PCDHGA11: variants seen among roughly 807,000 people sequenced by gnomAD.
PCDHGA11 encodes protocadherin gamma-A11.
In PCDHGA11, 39 loss-of-function variants were observed where a neutral mutation model predicts 60.4. The ratio of observed to expected loss-of-function variants is 0.65; its 90% confidence interval spans 0.50 to 0.84. PCDHGA11 has a LOEUF of 0.84. Among genes scored for constraint, PCDHGA11 ranks in the 40% least tolerant of loss-of-function variants. PCDHGA11 has a pLI of 0.00. For synonymous variants in PCDHGA11, 533 were observed against 510.3 expected, an observed-to-expected ratio of 1.04 and a Z score of -0.60; for missense variants, 1,165 against 1,197.7, an observed-to-expected ratio of 0.97 and a Z score of 0.40.
Position 141,477,783 on chromosome 5 carries a change from T to C in PCDHGA11, c.2434-17024T>C. 1 of 1,614,078 alleles carries C rather than the reference T, an allele frequency of 6.2e-7. No individual in the cohort carries two copies. Among genetic ancestry groups the C allele is most frequent in the Non-Finnish European group, 8.5e-7 (1 of 1,180,028 alleles). On this transcript the variant is annotated intron_variant, in intron 1 of 3. Coordinates refer to ENST00000398587, the MANE Select transcript of PCDHGA11 (RefSeq NM_018914.3). The surrounding 1 kb of genome is among the most constrained non-coding windows in gnomAD (Gnocchi z 4.9). ...GCCACCAACATCAGCGTGAACATAT[T>C]TGTCACTGATCGCAATGACAATGCC...
chr5:141,456,390 T>G (rs1007800936), intron 1 of PCDHGA11, among the ~76,000 whole-genome samples: 2 of 152,114 alleles, frequency 1.3e-5, no homozygotes, highest in African/African-American at 4.8e-5. Context: ...CGTTTGGAGT[T>G]TGATTGCTTC....
chr5:141,433,221 A>G, intron 1 of PCDHGA11: 1 of 1,475,672 alleles, frequency 6.8e-7, no homozygotes, highest in African/African-American at 1.4e-5. Context: ...TTTTTTTTTT[A>G]ATTGCTCTGT....
chr5:141,508,919 C>T (rs1166086266), intron 3 of PCDHGA11, among the ~76,000 whole-genome samples: 1 of 151,996 alleles, frequency 6.6e-6, no homozygotes, highest in Non-Finnish European at 1.5e-5. Context: ...GATCTGGCTT[C>T]CTTTTGGAGT....
intron 2 of PCDHGA11, among the ~76,000 whole-genome samples, chr5:141,498,601 G>A (rs2099784606): frequency 6.6e-6 from 1 of 152,126 alleles, no homozygotes; most frequent in African/African-American, 2.4e-5. Flanking sequence ...CTTGGTTCAA[G>A]TTCAAGTCAG....
rs200117787 is a variant in PCDHGA11, at chr5:141,477,443, G to T, written c.2434-17364G>T. ...CCCTTCCCTCTCAGCCCTTACAATA[G>T]TGCGTGTTCAAGTGTCCGACATCAA... On this transcript the variant is annotated intron_variant, in intron 1 of 3. Coordinates refer to ENST00000398587, the MANE Select transcript of PCDHGA11 (RefSeq NM_018914.3). This position sits in a 1 kb window ranked among gnomAD's most constrained non-coding sequence, Gnocchi z 4.9. The T allele has an allele frequency of 1.7e-5, 28 of 1,614,136 alleles. No homozygotes were observed. In the East Asian group the frequency reaches 6.2e-4, roughly 36 times the overall value.
rs373424450 is a variant in PCDHGA11, at chr5:141,450,829, AT to A, written c.2433+27182del. 1.1e-3 allele frequency among the ~76,000 whole-genome samples: 154 copies of A among 135,102 alleles called. 1 individual carries two copies. Among genetic ancestry groups the A allele is most frequent in the South Asian group, 8.9e-3 (38 of 4,254 alleles). 88.6% of individuals were successfully genotyped at this position (135,102 alleles called of 152,430 possible). ...TTATTTATTTAATATTATTATTATTATTTTTTTTTTTTTGAGATGGGGTCTT... is the reference window on the plus strand; with the variant it reads ...TTATTTATTTAATATTATTATTATTATTTTTTTTTTTTGAGATGGGGTCTT... On this transcript the variant is annotated intron_variant, in intron 1 of 3. Transcript: ENST00000398587.
intron 1 of PCDHGA11, among the ~76,000 whole-genome samples, chr5:141,444,150 GGATTT>G (rs2098419598): frequency 1.8e-5 from 2 of 114,012 alleles, no homozygotes; most frequent in Non-Finnish European, 3.5e-5. Flanking sequence ...TGTGTGTACT[GGATTT>G]TTTTTTTTTT....
chr5:141,450,669 T>C (rs2098689726), intron 1 of PCDHGA11, among the ~76,000 whole-genome samples: 1 of 151,904 alleles, frequency 6.6e-6, no homozygotes, highest in Admixed American at 6.6e-5. Context: ...GTACTTTTAG[T>C]AGAAACGGGG....
At chr5:141,433,607 G>T (rs1209706866) in intron 1 of PCDHGA11, among the ~76,000 whole-genome samples, 1 of 152,080 alleles carries the variant, frequency 6.6e-6, no homozygotes. Flanking sequence ...AGGCCGAGGC[G>T]GGTGGATCAC....
chr5:141,499,725 C>T (rs554409998), intron 2 of PCDHGA11, among the ~76,000 whole-genome samples: 3 of 138,474 alleles, frequency 2.2e-5, no homozygotes, highest in African/African-American at 5.4e-5. Context: ...GACAGAGTCT[C>T]ACTCTCTTGC....
rs1029080327 is a variant in PCDHGA11 at position 141,512,737 on chromosome 5, G to C, written c.*1564G>C. 6.5e-5 allele frequency: 10 copies of C among 152,868 alleles called. No individual in the cohort carries two copies. The highest frequency in any genetic ancestry group is 2.4e-4 in the African/African-American group (10 of 41,472). 9.5% of individuals were successfully genotyped at this position (152,868 alleles called of 1,614,324 possible). On this transcript the variant is annotated 3_prime_UTR_variant, in exon 4 of 4. Transcript: ENST00000398587. Reference sequence around the variant, plus strand: ...ATGGCGGGTGGGCAGCGGGCGGCGGGCTCCGCGCAGCCGTCTGTCCTTGAT... The same window carrying C: ...ATGGCGGGTGGGCAGCGGGCGGCGGCCTCCGCGCAGCCGTCTGTCCTTGAT...
In PCDHGA11 at chr5:141,476,343, T is replaced by A; in HGVS notation, c.2434-18464T>A. 1 of 1,614,012 alleles carries A rather than the reference T, an allele frequency of 6.2e-7. No individual in the cohort carries two copies. The highest frequency in any genetic ancestry group is 1.3e-5 in the African/African-American group (1 of 74,984). ...GTGGTGTCTGGAGCTAGCCGAAGAT[T>A]CTTTGAGGTGAACCGGGAGACCGGA... On this transcript the variant is annotated intron_variant, in intron 1 of 3. Transcript: ENST00000398587. This position sits in a 1 kb window ranked among gnomAD's most constrained non-coding sequence, Gnocchi z 7.6.
chr5:141,478,445 G>C (rs773567457), intron 1 of PCDHGA11: 1 of 1,613,570 alleles, frequency 6.2e-7, no homozygotes, highest in Non-Finnish European at 8.5e-7. Flanking sequence ...GAAGAAACCT[G>C]GTGCAGCCAG....
At position 141,493,906 on chromosome 5, in the gene PCDHGA11, G is replaced by A. The variant is rs2099750764; in HGVS notation, c.2434-901G>A. ...CTCTAGGAGTGCTCCATGAGAGTGT[G>A]TGATGGGATAACACACCCCCTGGAA... is the stretch of plus-strand genomic sequence containing the variant. On this transcript the variant is annotated intron_variant, in intron 1 of 3. Transcript: ENST00000398587. The surrounding 1 kb of genome is among the most constrained non-coding windows in gnomAD (Gnocchi z 4.3). Among the ~76,000 whole-genome samples the A allele has an allele frequency of 6.6e-6, 1 of 152,200 alleles. No individual in the cohort carries two copies. Among genetic ancestry groups the A allele is most frequent in the Non-Finnish European group, 1.5e-5 (1 of 68,032 alleles).
In PCDHGA11 at chr5:141,422,705, C is replaced by A; in HGVS notation, c.1478C>A (p.Thr493Lys). 6.2e-7 allele frequency: 1 copy of A among 1,602,702 alleles called. No homozygotes were observed. Among genetic ancestry groups the A allele is most frequent in the East Asian group, 2.2e-5 (1 of 44,852 alleles). Reference sequence around the variant, plus strand: ...AATGCCCTGGTCACTTACTCTCTGACGGATGACACTGTCCAGGGGGTGCCT... The same window carrying A: ...AATGCCCTGGTCACTTACTCTCTGAAGGATGACACTGTCCAGGGGGTGCCT... The part of the protein sequence containing the change: ...KQNALVTYSL[T>K]DDTVQGVPLS... Residue 493 changes from threonine to lysine, a missense_variant, in exon 1 of 4, where the codon ACG becomes AAG. By Grantham distance (78) the Thr-to-Lys change is moderately conservative. Transcript: ENST00000398587.
At chr5:141,456,197 C>T (rs1353243708) in intron 1 of PCDHGA11, among the ~76,000 whole-genome samples, 1 of 152,090 alleles carries the variant, frequency 6.6e-6, no homozygotes, top group Non-Finnish European at 1.5e-5. Context: ...ATAACTCCTA[C>T]CACATTCCTC....
chr5:141,423,443 C>A lies in PCDHGA11; in HGVS notation c.2216C>A (p.Ser739Ter). The stretch of plus-strand genomic sequence containing the variant: ...GGCGGGTTGGCAGGTATGCCCACGT[C>A]ACATTTTGTAGGCGTGGACGGGGTA... ...SEGGLAGMPT[S>*]HFVGVDGVQA... Residue 739 changes from serine (S) to a stop codon, truncating the protein, a stop_gained, in exon 1 of 4, where the codon TCA becomes TAA. Transcript: ENST00000398587. LOFTEE classifies it high-confidence loss of function. 6.2e-7 allele frequency: 1 copy of A among 1,613,998 alleles called. No individual in the cohort carries two copies. The highest frequency in any genetic ancestry group is 8.5e-7 in the Non-Finnish European group (1 of 1,179,910).
chr5:141,497,191 A>G (rs2099774633), intron 2 of PCDHGA11, among the ~76,000 whole-genome samples: 1 of 126,864 alleles, frequency 7.9e-6, no homozygotes, highest in Admixed American at 8.3e-5. Context: ...TGAGAGGCAG[A>G]GAACAATGTG....
At position 141,511,574 on chromosome 5, in the gene PCDHGA11, GT is replaced by G. The variant is rs1158598698; in HGVS notation, c.*403del. ...CAGTTCCTCTTTCCCGAGTAAGGTG[GT>G]TGGGGTGTTGAAGTACCAAGTAACC... On this transcript the variant is annotated 3_prime_UTR_variant, in exon 4 of 4. Coordinates refer to ENST00000398587, the MANE Select transcript of PCDHGA11 (RefSeq NM_018914.3). 3.5e-6 allele frequency: 1 copy of G among 287,556 alleles called. No individual in the cohort carries two copies. The highest frequency in any genetic ancestry group is 2.2e-5 in the African/African-American group (1 of 46,340). 17.8% of individuals were successfully genotyped at this position (287,556 alleles called of 1,614,324 possible).
Sources: gnomAD v4.1 joint callset for allele counts (sites outside exome capture counted in the v4.1 genomes callset) on GRCh38, gnomAD v4.1.1 for gene constraint, Gnocchi (gnomAD v3.1) non-coding constraint, MANE v1.5 for transcripts, NCBI Gene and HGNC (gene_info 2026-07-23, HGNC 2026-07-21) for gene names.